Variants in ASAP2 observed in about 807,000 individuals in gnomAD.
ASAP2 encodes the protein ArfGAP with SH3 domain, ankyrin repeat and PH domain 2, also known as arf-GAP with SH3 domain, ANK repeat and PH domain-containing protein 2.
In ASAP2, 45 loss-of-function variants were observed where a neutral mutation model predicts 131.4. The ratio of observed to expected loss-of-function variants is 0.34; its 90% confidence interval spans 0.27 to 0.44. The LOEUF (loss-of-function observed/expected upper bound fraction) is 0.44, where lower values mean the gene tolerates loss of function less well. Ranked by LOEUF, ASAP2 falls within the 20% of genes least tolerant of loss-of-function variation. The pLI, the probability that ASAP2 is intolerant of heterozygous loss-of-function variation, is 1.00. For synonymous variants in ASAP2, 510 were observed against 503.0 expected (o/e 1.01, Z -0.19); for missense variants, 1,011 against 1,297.0 (o/e 0.78, Z 3.39).
intron 3 of ASAP2, among the ~76,000 whole-genome samples, chr2:9,305,387 G>A (rs1359502738): frequency 1.3e-5 from 2 of 149,006 alleles, no homozygotes; most frequent in African/African-American, 5.0e-5. Flanking sequence ...ATAGATATTG[G>A]TGGAGGGGCT....
intron 16 of ASAP2, among the ~76,000 whole-genome samples, chr2:9,372,495 A>G (rs1674056294): frequency 6.6e-6 from 1 of 152,198 alleles, no homozygotes; most frequent in Non-Finnish European, 1.5e-5. Flanking sequence ...GTTTTACCCT[A>G]TGCCAATTGA....
chr2:9,256,162 CAAAA>C (rs71389235), intron 1 of ASAP2, among the ~76,000 whole-genome samples: 2 of 86,824 alleles, frequency 2.3e-5, no homozygotes, highest in South Asian at 3.7e-4. Flanking sequence ...GGGTCCCCTG[CAAAA>C]AAAAAAAAAA....
chr2:9,248,684 T>G (rs139818574), intron 1 of ASAP2, among the ~76,000 whole-genome samples: 1 of 152,218 alleles, frequency 6.6e-6, no homozygotes, highest in East Asian at 1.9e-4. Context: ...CTTCTACTGT[T>G]TACTCTGCTT....
chr2:9,311,003 A>G lies in ASAP2; in HGVS notation c.346-7521A>G, dbSNP rs774609318. 2.6e-5 allele frequency among the ~76,000 whole-genome samples: 4 copies of G among 151,950 alleles called. No individual in the cohort carries two copies. The highest frequency in any genetic ancestry group is 5.9e-5 in the Non-Finnish European group (4 of 68,032). ...CTACTTGTGAGATCACAGACCTTTG[A>G]CTACTTACTTACCTTGTCAGACATA... On this transcript the variant is annotated intron_variant, in intron 3 of 27. Coordinates refer to ENST00000281419, the MANE Select transcript of ASAP2 (RefSeq NM_003887.3). The surrounding 1 kb of genome is among the most constrained non-coding windows in gnomAD (Gnocchi z 5.2).
In ASAP2 at chr2:9,268,241, C is replaced by T. The variant is rs1030472632; in HGVS notation, c.127-11076C>T. Among the ~76,000 whole-genome samples the T allele has an allele frequency of 9.2e-5, 14 of 152,180 alleles. No homozygotes were observed. Among genetic ancestry groups the T allele is most frequent in the African/African-American group, 2.9e-4 (12 of 41,430 alleles). ...ATCATCAGTTTATTCATTTTACCAT[C>T]GACATTTCGGTTTATCCAGTTGGGG... On this transcript the variant is annotated intron_variant, in intron 1 of 27. Coordinates refer to ENST00000281419, the MANE Select transcript of ASAP2 (RefSeq NM_003887.3). The surrounding 1 kb of genome is among the most constrained non-coding windows in gnomAD (Gnocchi z 4.1).
At position 9,405,225 on chromosome 2, in the gene ASAP2, A is replaced by G. The variant is rs553100716; in HGVS notation, c.*1898A>G. The G allele has an allele frequency of 1.3e-5, 2 of 152,394 alleles. No homozygotes were observed. Among genetic ancestry groups the G allele is most frequent in the African/African-American group, 4.8e-5 (2 of 41,592 alleles). The allele number at this position is 152,394 out of a possible 1,614,324, so 9.4% of individuals were successfully genotyped here. ...TAGTACTCTTACCAGAGGAGAAATT[A>G]TATTAACGACCCTGCTAATATCCTT... On this transcript the variant is annotated 3_prime_UTR_variant, in exon 28 of 28. Coordinates refer to ENST00000281419, the MANE Select transcript of ASAP2 (RefSeq NM_003887.3).
chr2:9,283,072 C>CT lies in ASAP2; in HGVS notation c.199+3693dup, dbSNP rs35131756. On this transcript the variant is annotated intron_variant, in intron 2 of 27. Coordinates refer to ENST00000281419, the MANE Select transcript of ASAP2 (RefSeq NM_003887.3). ...CTCTTTGACTCTCTTGTAATAGATT[C>CT]TTTTTTTTTTCCTCTCTTTTTTTGA... Among the ~76,000 whole-genome samples, 502 of 150,738 alleles carry CT rather than the reference C, an allele frequency of 3.3e-3. 2 individuals carry two copies. The highest frequency in any genetic ancestry group is 0.01 in the African/African-American group (430 of 41,140).
At chr2:9,266,225 C>T (rs1396641377) in intron 1 of ASAP2, among the ~76,000 whole-genome samples, 1 of 150,094 alleles carries the variant, frequency 6.7e-6, no homozygotes, top group African/African-American at 2.5e-5. Flanking sequence ...TAGCCCACTG[C>T]AGCCTCGACT....
chr2:9,282,183 A>G (rs1462083377), intron 2 of ASAP2, among the ~76,000 whole-genome samples: 1 of 152,204 alleles, frequency 6.6e-6, no homozygotes, highest in African/African-American at 2.4e-5. Flanking sequence ...ACAGCCTGGC[A>G]TGTGACCTTG....
intron 9 of ASAP2, among the ~76,000 whole-genome samples, chr2:9,338,382 T>A (rs1671361804): frequency 6.6e-6 from 1 of 152,168 alleles, no homozygotes; most frequent in Admixed American, 6.5e-5. Flanking sequence ...GCTCCCTCTT[T>A]TTCAAGCATC....
At chr2:9,294,472 G>A (rs1668030406) in intron 2 of ASAP2, among the ~76,000 whole-genome samples, 1 of 152,178 alleles carries the variant, frequency 6.6e-6, no homozygotes, top group Non-Finnish European at 1.5e-5. Context: ...ACCAAGGGCT[G>A]GAGGCAGCCT....
At chr2:9,290,811 A>T (rs1448150296) in intron 2 of ASAP2, among the ~76,000 whole-genome samples, 2 of 152,118 alleles carry the variant, frequency 1.3e-5, no homozygotes, top group Non-Finnish European at 2.9e-5. Context: ...GCTTGTTCAC[A>T]CTCTGACAGT....
In ASAP2 at chr2:9,358,845, A is replaced by G. The variant is rs1213839391; in HGVS notation, c.1417A>G (p.Met473Val). 6.2e-7 allele frequency: 1 copy of G among 1,613,042 alleles called. No individual in the cohort carries two copies. The stretch of plus-strand genomic sequence containing the variant: ...AGAGCTGGGGGTTCATTATTCCAGG[A>G]TGCAGTCCCTGACCTTAGATGTACT... ...HRELGVHYSR[M>V]QSLTLDVLGT... Residue 473 changes from methionine to valine, a missense_variant, in exon 15 of 28, where the codon ATG (methionine) becomes GTG (valine). This residue lies in a region of ASAP2 where 359 missense variants were observed against 598.1 expected (regional missense o/e 0.60). Transcript: ENST00000281419.
At chr2:9,393,235 C>T (rs1675856232) in intron 23 of ASAP2, among the ~76,000 whole-genome samples, 1 of 152,210 alleles carries the variant, frequency 6.6e-6, no homozygotes, top group African/African-American at 2.4e-5. Context: ...AAAATACTCA[C>T]TCACAGGCTG....
chr2:9,403,318 C>G lies in ASAP2; in HGVS notation c.3012C>G (p.Ile1004Met), dbSNP rs34527258. 1.2e-6 allele frequency: 2 copies of G among 1,613,892 alleles called. No individual in the cohort carries two copies. Among genetic ancestry groups the G allele is most frequent in the Admixed American group, 1.7e-5 (1 of 60,000 alleles). The change falls in exon 28 of 28, where the codon ATC becomes ATG. Residue 1004 changes from isoleucine (I) to methionine (M), a missense_variant. Physicochemically the swap from Ile to Met is conservative, Grantham distance 10 (BLOSUM62 1). Around this residue, in one of 2 missense-constraint regions of ASAP2, gnomAD observed 652 missense variants for 698.9 expected, o/e 0.93. Transcript: ENST00000281419. ...GAFPVSFVHFIAD is the reference protein window; with the variant it reads ...GAFPVSFVHFMAD ...TCCCGGTGTCATTTGTGCACTTTAT[C>G]GCTGACTGAATTGCTACTGAACAAA... is the stretch of plus-strand genomic sequence containing the variant.
chr2:9,383,893 C>T (rs749363693), intron 20 of ASAP2, among the ~76,000 whole-genome samples: 1 of 152,100 alleles, frequency 6.6e-6, no homozygotes, highest in Non-Finnish European at 1.5e-5. Context: ...AACCATCATT[C>T]TGAGCAAATT....
In ASAP2 at chr2:9,405,445, G is replaced by A. The variant is rs1162983506; in HGVS notation, c.*2118G>A. The A allele has an allele frequency of 6.6e-6, 1 of 152,618 alleles. No individual in the cohort carries two copies. Among genetic ancestry groups the A allele is most frequent in the East Asian group, 1.9e-4 (1 of 5,192 alleles). 9.5% of individuals were successfully genotyped at this position (152,618 alleles called of 1,614,324 possible). A position where few individuals can be genotyped will look rare whatever the true frequency, so the allele number is the denominator to read the frequency against. On this transcript the variant is annotated 3_prime_UTR_variant, in exon 28 of 28. Transcript: ENST00000281419. ...CAGACTAAGAGTAACTGTGTGATCT[G>A]TTAAGGGGTGGATAACATAATATGC...
intron 2 of ASAP2, among the ~76,000 whole-genome samples, chr2:9,279,984 A>G (rs1667025794): frequency 6.6e-6 from 1 of 152,228 alleles, no homozygotes; most frequent in African/African-American, 2.4e-5. Flanking sequence ...CGAGTGATAC[A>G]AAATATTTTT....
rs149314871 is a variant in ASAP2, at chr2:9,372,590, A to G, written c.1557-2165A>G. On this transcript the variant is annotated intron_variant, in intron 16 of 27. Coordinates refer to ENST00000281419, the MANE Select transcript of ASAP2 (RefSeq NM_003887.3). ...TTGAATAAAGGCCCAGAACACTTCT[A>G]ATATTAAACATTGAAATATGAGCGA... Among the ~76,000 whole-genome samples, 3 of 152,360 alleles carry G rather than the reference A, an allele frequency of 2.0e-5. No individual in the cohort carries two copies. The East Asian group carries it at 5.8e-4, about 29-fold the overall frequency.
Sources: allele counts gnomAD v4.1 joint callset (sites outside exome capture counted in the v4.1 genomes callset), GRCh38; gene constraint gnomAD v4.1.1; regional missense constraint gnomAD v4.1.1; non-coding constraint Gnocchi (gnomAD v3.1); transcripts MANE v1.5; gene names NCBI Gene and HGNC (gene_info 2026-07-23, HGNC 2026-07-21).